ZNF652: variants seen among roughly 807,000 people sequenced by gnomAD.
The protein encoded by ZNF652 is zinc finger protein 652.
ZNF652 carries 16 observed loss-of-function variants against 45.2 expected under a neutral mutation model. The ratio of observed to expected loss-of-function variants is 0.35; its 90% CI spans 0.24 to 0.54. The LOEUF is 0.54. ZNF652 is among the 20% of genes least tolerant of loss of function. The pLI is 0.91. For synonymous variants in ZNF652, 250 were observed against 260.6 expected, an observed-to-expected ratio of 0.96 and a Z score of 0.39; for missense variants, 614 against 765.6, an observed-to-expected ratio of 0.80 and a Z score of 2.34.
At chr17:49,322,943 A>G (rs970032037) in intron 1 of ZNF652, among the ~76,000 whole-genome samples, 2 of 152,228 alleles carry the variant, frequency 1.3e-5, no homozygotes, top group African/African-American at 4.8e-5. Flanking sequence ...TCAGTGAATC[A>G]ATCATTTTGC....
intron 1 of ZNF652, among the ~76,000 whole-genome samples, chr17:49,339,474 T>C (rs1022991549): frequency 1.3e-5 from 2 of 152,150 alleles, no homozygotes; most frequent in Non-Finnish European, 2.9e-5. Flanking sequence ...GGTTTTCTTA[T>C]CAGCTTTTCA....
rs16947943 is a variant in ZNF652 at position 49,291,584 on chromosome 17, G to A, written c.*6829C>T. On this transcript the variant is annotated 3_prime_UTR_variant, in exon 6 of 6. Transcript: ENST00000430262. ...CAGGGGCAGGAACTCCCTTGAATGT[G>A]TGTGTCAGAAGTTTCCTACTGAAGA... 0.23 allele frequency: 35,546 copies of A among 152,072 alleles called. 4,285 individuals carry two copies. Among genetic ancestry groups the A allele is most frequent in the South Asian group, 0.32 (1,538 of 4,814 alleles). The allele number at this position is 152,072 out of a possible 1,614,324, so 9.4% of individuals were successfully genotyped here.
intron 2 of ZNF652, among the ~76,000 whole-genome samples, chr17:49,313,185 T>C (rs2069741768): frequency 6.6e-6 from 1 of 152,200 alleles, no homozygotes; most frequent in Non-Finnish European, 1.5e-5. Context: ...AGACAGAGCC[T>C]TGCTCTGTCG....
chr17:49,360,919 G>C (rs2070385758), intron 1 of ZNF652, among the ~76,000 whole-genome samples: 1 of 152,222 alleles, frequency 6.6e-6, no homozygotes, highest in Non-Finnish European at 1.5e-5. Flanking sequence ...GGAGATGCAT[G>C]TAAGGGATAC....
At chr17:49,338,164 T>G (rs1194779474) in intron 1 of ZNF652, among the ~76,000 whole-genome samples, 1 of 149,798 alleles carries the variant, frequency 6.7e-6, no homozygotes, top group African/African-American at 2.5e-5. Flanking sequence ...TTTTTTTTGG[T>G]AGAGACGGAG....
chr17:49,311,316 G>A lies in ZNF652; in HGVS notation c.1305C>T (p.His435=), dbSNP rs1446472594. The stretch of plus-strand genomic sequence containing the variant: ...CCTTTCCCAAGAAATTCTTACCAGT[G>A]TGTGTTTTCATGTGTTCGTCGAAGT... ...KQYFDEHMKT[H]TGEKPFICEI... is the part of the protein sequence containing the mutation. Residue 435 remains histidine, a synonymous_variant, in exon 5 of 6, where the codon CAC becomes CAT. Coordinates refer to ENST00000430262, the MANE Select transcript of ZNF652 (RefSeq NM_001145365.3). The A allele has an allele frequency of 1.2e-6, 2 of 1,613,932 alleles. No individual in the cohort carries two copies. The highest frequency in any genetic ancestry group is 3.3e-5 in the Admixed American group (2 of 60,006).
chr17:49,317,518 G>A lies in ZNF652; in HGVS notation c.208C>T (p.Pro70Ser). The A allele has an allele frequency of 1.2e-6, 2 of 1,614,064 alleles. No homozygotes were observed. The highest frequency in any genetic ancestry group is 1.7e-6 in the Non-Finnish European group (2 of 1,179,996). ...SVLVDTKMSK[P>S]HLHETEEQPY... ...TGTTCTTCTGTTTCATGGAGATGCG[G>A]TTTGCTCATCTTGGTGTCCACTAAC... Residue 70 changes from proline to serine, a missense_variant, in exon 2 of 6, where the codon CCG (proline) becomes TCG (serine). Coordinates refer to ENST00000430262, the MANE Select transcript of ZNF652 (RefSeq NM_001145365.3).
chr17:49,305,678 G>A (rs1293595892), intron 5 of ZNF652, among the ~76,000 whole-genome samples: 1 of 152,028 alleles, frequency 6.6e-6, no homozygotes, highest in Non-Finnish European at 1.5e-5. Flanking sequence ...CCATTCACCA[G>A]ACTATAAGCT....
chr17:49,313,881 G>A (rs547749874), intron 2 of ZNF652, among the ~76,000 whole-genome samples: 3 of 145,904 alleles, frequency 2.1e-5, no homozygotes, highest in Non-Finnish European at 3.0e-5. Context: ...GCTGAGGCAG[G>A]AGAATCTCTT....
chr17:49,356,613 T>C (rs1440193895), intron 1 of ZNF652, among the ~76,000 whole-genome samples: 1 of 152,138 alleles, frequency 6.6e-6, no homozygotes, highest in African/African-American at 2.4e-5. Flanking sequence ...TTAAGTTTTT[T>C]AAAGTATACT....
chr17:49,361,553 G>T (rs756706738), intron 1 of ZNF652, among the ~76,000 whole-genome samples: 16 of 152,216 alleles, frequency 1.1e-4, no homozygotes, highest in Admixed American at 3.3e-4. Flanking sequence ...AACGCTCGCA[G>T]GAGGACCGGT....
intron 1 of ZNF652, among the ~76,000 whole-genome samples, chr17:49,319,128 G>A (rs142383636): frequency 6.6e-6 from 1 of 152,180 alleles, no homozygotes; most frequent in African/African-American, 2.4e-5. Flanking sequence ...TTTGCTTTGT[G>A]ACATACCTCA....
chr17:49,357,335 A>T (rs989204983), intron 1 of ZNF652, among the ~76,000 whole-genome samples: 2 of 152,056 alleles, frequency 1.3e-5, no homozygotes, highest in Non-Finnish European at 2.9e-5. Context: ...TTTACCATAA[A>T]GCTGCCTTTC....
rs995794881 is a variant in ZNF652 at position 49,292,783 on chromosome 17, A to C, written c.*5630T>G. 6.6e-6 allele frequency among the ~76,000 whole-genome samples: 1 copy of C among 152,244 alleles called. No homozygotes were observed. Among genetic ancestry groups the C allele is most frequent in the African/African-American group, 2.4e-5 (1 of 41,466 alleles). ...AACAGAGAGACGAAATATGTGAAGA[A>C]ATAAGATATAAATAAAAGTTAAAAA... On this transcript the variant is annotated 3_prime_UTR_variant, in exon 6 of 6. Transcript: ENST00000430262.
In ZNF652 at chr17:49,317,054, C is replaced by T. The variant is rs1417181471; in HGVS notation, c.672G>A (p.Lys224=). 1 of 1,614,076 alleles carries T rather than the reference C, an allele frequency of 6.2e-7. No individual in the cohort carries two copies. The highest frequency in any genetic ancestry group is 8.5e-7 in the Non-Finnish European group (1 of 1,180,018). ...GTGCTTTGGGCTCCTTTGTGGCCCG[C>T]TTCTTACGCTTAGGTGGCTCTACAC... is the stretch of plus-strand genomic sequence containing the variant. ...RKSVEPPKRK[K]RATKEPKAPV... The change falls in exon 2 of 6, where the codon AAG becomes AAA. Residue 224 remains lysine (K), a synonymous_variant. Transcript: ENST00000430262.
chr17:49,327,777 A>ATG (rs2069980136), intron 1 of ZNF652, among the ~76,000 whole-genome samples: 8 of 2,174 alleles, frequency 3.7e-3, no homozygotes, highest in African/African-American at 0.011. Context: ...ATATATATAT[A>ATG]TATTTTTTTT....
intron 1 of ZNF652, among the ~76,000 whole-genome samples, chr17:49,337,440 T>C (rs1223773865): frequency 6.6e-6 from 1 of 152,146 alleles, no homozygotes; most frequent in African/African-American, 2.4e-5. Context: ...AGAGGTTTTC[T>C]ACACTGGATG....
intron 2 of ZNF652, 93 bp from the exon 3 acceptor site, chr17:49,312,938 G>C (rs777830392): frequency 7.8e-7 from 1 of 1,286,926 alleles, no homozygotes; most frequent in Non-Finnish European, 1.1e-6. Context: ...TTAGGTTCAT[G>C]GCACAAGGCC....
At chr17:49,350,970 CATATATATATATATATATATAT>C (rs372720324) in intron 1 of ZNF652, among the ~76,000 whole-genome samples, 14 of 42,286 alleles carry the variant, frequency 3.3e-4, no homozygotes, top group African/African-American at 6.1e-4. Context: ...ACTCTGTCTA[CATATATATATATATATATATAT>C]ATATATATAT....
Sources: gnomAD v4.1 joint callset for allele counts (sites outside exome capture counted in the v4.1 genomes callset) on GRCh38, gnomAD v4.1.1 for gene constraint, MANE v1.5 for transcripts, NCBI Gene and HGNC (gene_info 2026-07-23, HGNC 2026-07-21) for gene names.